PRKN: variants seen among roughly 807,000 people sequenced by gnomAD.
The protein encoded by PRKN is parkin RBR E3 ubiquitin protein ligase.
In PRKN, 56 loss-of-function variants were observed where a neutral mutation model predicts 59.5. That is an observed-to-expected ratio of 0.94 (90% CI 0.76 to 1.18). PRKN has a LOEUF of 1.18. Among genes scored for constraint, PRKN ranks in the 50% most tolerant of loss-of-function variants. The pLI, the probability that PRKN is intolerant of heterozygous loss-of-function variation, is 0.00. For missense variants in PRKN, 657 were observed against 596.4 expected (o/e 1.10, Z -1.06); for synonymous variants, 250 against 222.1 (o/e 1.13, Z -1.12).
Position 162,468,624 on chromosome 6 carries a change from G to C in PRKN, c.8-25151C>G, listed in dbSNP as rs544335665. The stretch of plus-strand genomic sequence containing the variant: ...CCCAGCTGATGGGTTTGGTACTAGA[G>C]AGTGGTTAGATGAAGACAGCTTAAG... On this transcript the variant is annotated intron_variant, in intron 1 of 11. Coordinates refer to ENST00000366898, the MANE Select transcript of PRKN (RefSeq NM_004562.3). Among the ~76,000 whole-genome samples the C allele has an allele frequency of 5.3e-5, 8 of 152,320 alleles. No homozygotes were observed. The South Asian group carries it at 1.7e-3, about 32-fold the overall frequency.
At chr6:162,340,528 T>C (rs939421899) in intron 2 of PRKN, among the ~76,000 whole-genome samples, 1 of 151,998 alleles carries the variant, frequency 6.6e-6, no homozygotes, top group Non-Finnish European at 1.5e-5. Context: ...ACAAAATCAC[T>C]TGTAAAAAAT....
chr6:161,874,732 G>GTACAATATATAAAATA (rs1794610857), intron 6 of PRKN, among the ~76,000 whole-genome samples: 2 of 45,618 alleles, frequency 4.4e-5, no homozygotes, highest in South Asian at 7.6e-4. Context: ...TATATAAAAT[G>GTACAATATATAAAATA]TACTATATAT....
At chr6:162,215,433 T>C (rs567715759) in intron 3 of PRKN, among the ~76,000 whole-genome samples, 1 of 152,326 alleles carries the variant, frequency 6.6e-6, no homozygotes, top group South Asian at 2.1e-4. Context: ...TCCAGGCCCA[T>C]TAAAATGACA....
rs561922323 is a variant in PRKN at position 162,662,919 on chromosome 6, TG to T, written c.7+64742del. Among the ~76,000 whole-genome samples, 335 of 152,094 alleles carry T rather than the reference TG, an allele frequency of 2.2e-3. 2 individuals are homozygous for T. Among genetic ancestry groups the T allele is most frequent in the African/African-American group, 7.7e-3 (321 of 41,514 alleles). ...GATTTTCTGTTCCAAAGGCTTGGGT[TG>T]GGGGAAAGGGAGGCAGAAGAGCGAT... On this transcript the variant is annotated intron_variant, in intron 1 of 11. Coordinates refer to ENST00000366898, the MANE Select transcript of PRKN (RefSeq NM_004562.3).
chr6:161,703,030 TAAAA>T (rs538755289), intron 7 of PRKN, among the ~76,000 whole-genome samples: 1 of 104,814 alleles, frequency 9.5e-6, no homozygotes, highest in African/African-American at 3.4e-5. Flanking sequence ...GATTCAACAG[TAAAA>T]AAAAAAAAAA....
intron 3 of PRKN, among the ~76,000 whole-genome samples, chr6:162,248,861 T>G (rs1395419478): frequency 1.3e-5 from 2 of 152,072 alleles, no homozygotes; most frequent in East Asian, 1.9e-4. Flanking sequence ...TTGGATATAA[T>G]AGACTATTGC....
rs144182933 is a variant in PRKN at position 161,814,525 on chromosome 6, G to A, written c.735-28617C>T. Among the ~76,000 whole-genome samples, 805 of 152,054 alleles carry A rather than the reference G, an allele frequency of 5.3e-3. 7 individuals carry two copies. Among genetic ancestry groups the A allele is most frequent in the African/African-American group, 0.019 (779 of 41,470 alleles). On this transcript the variant is annotated intron_variant, in intron 6 of 11. Coordinates refer to ENST00000366898, the MANE Select transcript of PRKN (RefSeq NM_004562.3). ...TGCCTTTTTTTCTTTTTTTTGAGAT[G>A]GAGTTTCACTCTTGTTGCCCAGGCT...
At chr6:162,253,548 G>A (rs1361429768) in intron 3 of PRKN, among the ~76,000 whole-genome samples, 1 of 152,088 alleles carries the variant, frequency 6.6e-6, no homozygotes, top group Non-Finnish European at 1.5e-5. Flanking sequence ...AATATGCAAG[G>A]TATACTCATT....
intron 1 of PRKN, among the ~76,000 whole-genome samples, chr6:162,592,502 T>G (rs750613021): frequency 6.6e-6 from 1 of 152,228 alleles, no homozygotes; most frequent in Non-Finnish European, 1.5e-5. Flanking sequence ...TCCAGCATTG[T>G]GCCGATCAGT....
chr6:161,985,531 T>C (rs908789592), intron 5 of PRKN, among the ~76,000 whole-genome samples: 1 of 152,192 alleles, frequency 6.6e-6, no homozygotes, highest in African/African-American at 2.4e-5. Flanking sequence ...GAAAATTCCT[T>C]ATGACTCACC....
chr6:162,680,122 C>T (rs1342347814), intron 1 of PRKN, among the ~76,000 whole-genome samples: 4 of 151,344 alleles, frequency 2.6e-5, no homozygotes, highest in African/African-American at 7.3e-5. Context: ...TTTTCTTCCT[C>T]AAATATTATT....
chr6:162,350,234 C>G (rs1297992307), intron 2 of PRKN, among the ~76,000 whole-genome samples: 6 of 152,012 alleles, frequency 3.9e-5, no homozygotes, highest in Non-Finnish European at 7.4e-5. Flanking sequence ...TGTTATGTTA[C>G]AGGTTAGAAG....
rs1250980102 is a variant in PRKN at position 161,399,752 on chromosome 6, T to C, written c.1084-12875A>G. ...TCTAGTGTAATTCACTCTGCTAGTG[T>C]AATTCTGCAACACTTTTGTCTTTTT... On this transcript the variant is annotated intron_variant, in intron 9 of 11. Coordinates refer to ENST00000366898, the MANE Select transcript of PRKN (RefSeq NM_004562.3). The surrounding 1 kb of genome is among the most constrained non-coding windows in gnomAD (Gnocchi z 4.4). Among the ~76,000 whole-genome samples, 5 of 152,148 alleles carry C rather than the reference T, an allele frequency of 3.3e-5. No homozygotes were observed. The highest frequency in any genetic ancestry group is 2.9e-5 in the Non-Finnish European group (2 of 68,028).
intron 10 of PRKN, among the ~76,000 whole-genome samples, chr6:161,375,928 C>T (rs1785680218): frequency 6.6e-6 from 1 of 152,212 alleles, no homozygotes; most frequent in East Asian, 1.9e-4. Flanking sequence ...TGGCATCAAA[C>T]CTGCTTTACT....
At chr6:162,266,569 C>T (rs1562626441) in intron 2 of PRKN, 1 of 152,054 alleles carries the variant, frequency 6.6e-6, no homozygotes, top group Non-Finnish European at 1.5e-5. Flanking sequence ...CCCAAAGTGC[C>T]ACAGAGGGAA....
intron 6 of PRKN, among the ~76,000 whole-genome samples, chr6:161,902,441 C>G (rs1274431411): frequency 6.6e-6 from 1 of 151,942 alleles, no homozygotes; most frequent in Non-Finnish European, 1.5e-5. Flanking sequence ...TATGGTTTTG[C>G]TTATTCACTC....
intron 6 of PRKN, among the ~76,000 whole-genome samples, chr6:161,831,811 G>T (rs2128218746): frequency 6.6e-6 from 1 of 152,278 alleles, no homozygotes; most frequent in South Asian, 2.1e-4. Context: ...AGAGGAGGCA[G>T]AAGGAAGAGG....
At chr6:162,492,922 C>T (rs1412630772) in intron 1 of PRKN, among the ~76,000 whole-genome samples, 2 of 148,416 alleles carry the variant, frequency 1.3e-5, no homozygotes, top group South Asian at 2.1e-4. Context: ...CACTGCACTC[C>T]AGCCTGGGCA....
chr6:162,158,827 G>T (rs1893549), intron 4 of PRKN, among the ~76,000 whole-genome samples: 131,851 of 151,946 alleles, frequency 0.87, 58,544 homozygotes, highest in Non-Finnish European at 0.97. Flanking sequence ...ACTATTATAG[G>T]CTTCAAACGA....
Sources: gnomAD v4.1 joint callset for allele counts (sites outside exome capture counted in the v4.1 genomes callset) on GRCh38, gnomAD v4.1.1 for gene constraint, Gnocchi (gnomAD v3.1) non-coding constraint, MANE v1.5 for transcripts, NCBI Gene and HGNC (gene_info 2026-07-23, HGNC 2026-07-21) for gene names.